NTNG1: variants seen among roughly 807,000 people sequenced by gnomAD.
NTNG1 encodes netrin-G1.
In NTNG1, 16 loss-of-function variants were observed where a neutral mutation model predicts 54.0. The ratio of observed to expected loss-of-function variants is 0.30; its 90% CI spans 0.20 to 0.45. The LOEUF is 0.45. NTNG1 is among the 20% of genes least tolerant of loss of function. NTNG1 has a pLI of 1.00. For synonymous variants in NTNG1, 255 were observed against 263.1 expected (o/e 0.97, Z 0.30); for missense variants, 530 against 678.7 (o/e 0.78, Z 2.43).
chr1:107,456,852 T>C (rs1203480483), intron 7 of NTNG1, among the ~76,000 whole-genome samples: 1 of 152,222 alleles, frequency 6.6e-6, no homozygotes, highest in Non-Finnish European at 1.5e-5. Context: ...TACTCTGTCA[T>C]AAAATCTTTC....
intron 7 of NTNG1, among the ~76,000 whole-genome samples, chr1:107,466,138 A>T (rs1677595239): frequency 6.6e-6 from 1 of 152,164 alleles, no homozygotes; most frequent in African/African-American, 2.4e-5. Flanking sequence ...TCCTGACTAC[A>T]GTATTTGCAG....
intron 2 of NTNG1, among the ~76,000 whole-genome samples, chr1:107,260,073 GAC>G (rs1663208453): frequency 6.6e-6 from 1 of 152,124 alleles, no homozygotes; most frequent in Non-Finnish European, 1.5e-5. Flanking sequence ...TGCACAAGAA[GAC>G]ACACACTGAA....
chr1:107,289,060 C>T (rs1193493489), intron 2 of NTNG1, among the ~76,000 whole-genome samples: 1 of 152,182 alleles, frequency 6.6e-6, no homozygotes, highest in African/African-American at 2.4e-5. Context: ...CCTCCTCCAG[C>T]TTCTCTTTAT....
intron 5 of NTNG1, chr1:107,408,432 G>A (rs1408407057): frequency 1.3e-5 from 2 of 152,734 alleles, no homozygotes; most frequent in Admixed American, 1.3e-4. Context: ...ATGAATCCAA[G>A]CAATTGAAGA....
In NTNG1 at chr1:107,484,654, A is replaced by C. The variant is rs975420432; in HGVS notation, c.*3814A>C. 2.0e-5 allele frequency among the ~76,000 whole-genome samples: 3 copies of C among 152,068 alleles called. No homozygotes were observed. Among genetic ancestry groups the C allele is most frequent in the African/African-American group, 4.8e-5 (2 of 41,404 alleles). ...TGGCCCTGTAGTTAATGCTCCCCTC[A>C]CCTTCTCTTGGACCTGTGGTCTGAC... On this transcript the variant is annotated 3_prime_UTR_variant, in exon 8 of 8. Transcript: ENST00000370068.
chr1:107,397,542 G>A (rs768931932), intron 4 of NTNG1, among the ~76,000 whole-genome samples: 1 of 152,124 alleles, frequency 6.6e-6, no homozygotes, highest in Non-Finnish European at 1.5e-5. Flanking sequence ...TCTCTAATGC[G>A]AGGATAATAA....
chr1:107,394,825 CTA>C (rs1202198089), intron 3 of NTNG1, among the ~76,000 whole-genome samples: 1 of 152,106 alleles, frequency 6.6e-6, no homozygotes, highest in Non-Finnish European at 1.5e-5. Context: ...AGACCTTTTC[CTA>C]AATGACAGTA....
intron 5 of NTNG1, among the ~76,000 whole-genome samples, chr1:107,428,263 T>C (rs1675023088): frequency 6.6e-6 from 1 of 152,132 alleles, no homozygotes; most frequent in African/African-American, 2.4e-5. Flanking sequence ...AGATTCAGAG[T>C]GCACATCCTG....
At chr1:107,350,542 CT>C (rs1207117761) in intron 3 of NTNG1, among the ~76,000 whole-genome samples, 1 of 152,156 alleles carries the variant, frequency 6.6e-6, no homozygotes, top group Non-Finnish European at 1.5e-5. Context: ...TCTGCACTCC[CT>C]TGTTCACTGC....
At chr1:107,171,899 T>G (rs944095919) in intron 2 of NTNG1, among the ~76,000 whole-genome samples, 35 of 152,222 alleles carry the variant, frequency 2.3e-4, no homozygotes, top group South Asian at 2.3e-3. Context: ...TTTTCCCCTT[T>G]TTTTTTGTTT....
At chr1:107,425,674 A>G (rs1200640098) in intron 5 of NTNG1, among the ~76,000 whole-genome samples, 1 of 152,064 alleles carries the variant, frequency 6.6e-6, no homozygotes. Flanking sequence ...ATAATGATTT[A>G]TGTTCCTTTG....
At chr1:107,409,987 C>T (rs1260329302) in intron 5 of NTNG1, 2 of 152,060 alleles carry the variant, frequency 1.3e-5, no homozygotes, top group Non-Finnish European at 2.9e-5. Context: ...ACTGCCTGTT[C>T]CAGAGGGCAC....
chr1:107,404,772 G>A (rs1474667708), intron 4 of NTNG1, among the ~76,000 whole-genome samples: 3 of 152,126 alleles, frequency 2.0e-5, no homozygotes, highest in African/African-American at 7.2e-5. Flanking sequence ...ACAAAGGAGA[G>A]AGTAGCTAAC....
chr1:107,192,085 G>T (rs1657994383), intron 2 of NTNG1, among the ~76,000 whole-genome samples: 1 of 152,088 alleles, frequency 6.6e-6, no homozygotes, highest in Non-Finnish European at 1.5e-5. Flanking sequence ...CCATTTGTTT[G>T]TATCCTCTTT....
At chr1:107,145,039 G>T (rs999413593) in intron 1 of NTNG1, among the ~76,000 whole-genome samples, 1 of 151,934 alleles carries the variant, frequency 6.6e-6, no homozygotes. Flanking sequence ...TCAGTTATGG[G>T]CCAGAAGGGA....
At chr1:107,474,664 C>T (rs1311423614) in intron 7 of NTNG1, among the ~76,000 whole-genome samples, 1 of 152,202 alleles carries the variant, frequency 6.6e-6, no homozygotes, top group African/African-American at 2.4e-5. Context: ...TCAAGGGGCT[C>T]ACATCTTGTA....
At chr1:107,266,558 G>A (rs1570538211) in intron 2 of NTNG1, among the ~76,000 whole-genome samples, 3 of 151,698 alleles carry the variant, frequency 2.0e-5, no homozygotes, top group Middle Eastern at 6.8e-3. Context: ...CTAACATTGG[G>A]GATTACAATT....
intron 2 of NTNG1, among the ~76,000 whole-genome samples, chr1:107,157,733 A>G (rs1655107953): frequency 1.3e-5 from 2 of 152,182 alleles, no homozygotes; most frequent in Middle Eastern, 3.4e-3. Flanking sequence ...CTTTATTTCT[A>G]ACTGTAAGAG....
At chr1:107,313,119 G>T (rs879600118) in intron 2 of NTNG1, among the ~76,000 whole-genome samples, 1 of 152,026 alleles carries the variant, frequency 6.6e-6, no homozygotes, top group Non-Finnish European at 1.5e-5. Flanking sequence ...TACTTTGGGG[G>T]GCATTAGTTG....
Sources: allele counts gnomAD v4.1 joint callset (sites outside exome capture counted in the v4.1 genomes callset), GRCh38; gene constraint gnomAD v4.1.1; transcripts MANE v1.5; gene names NCBI Gene and HGNC (gene_info 2026-07-23, HGNC 2026-07-21).